Variants in FRAS1 observed in about 807,000 individuals in gnomAD.
FRAS1 encodes the protein Fraser extracellular matrix complex subunit 1.
Under a neutral mutation model 435.2 loss-of-function variants are expected in FRAS1, and 290 were observed. The ratio of observed to expected loss-of-function variants is 0.67; its 90% confidence interval spans 0.61 to 0.73. FRAS1 has a LOEUF of 0.73. Ranked by LOEUF, FRAS1 falls within the 30% of genes least tolerant of loss-of-function variation. The pLI is 0.00. For synonymous variants in FRAS1, 1,800 were observed against 1,851.0 expected (o/e 0.97, Z 0.71); for missense variants, 4,860 against 5,001.5 (o/e 0.97, Z 0.85).
chr4:78,359,806 T>C (rs1446134659), intron 20 of FRAS1, among the ~76,000 whole-genome samples: 2 of 152,278 alleles, frequency 1.3e-5, no homozygotes, highest in Admixed American at 1.3e-4. Flanking sequence ...TTGGAGTTGA[T>C]CATTTTATAT....
At chr4:78,470,370 G>A (rs1036486745) in intron 51 of FRAS1, among the ~76,000 whole-genome samples, 6 of 152,098 alleles carry the variant, frequency 3.9e-5, no homozygotes. Flanking sequence ...TCACATATAG[G>A]GTGGACGTAA....
chr4:78,345,510 T>G (rs1730571870), intron 20 of FRAS1, among the ~76,000 whole-genome samples: 1 of 151,206 alleles, frequency 6.6e-6, no homozygotes, highest in Non-Finnish European at 1.5e-5. Flanking sequence ...TTCCTTCTAG[T>G]CCTGTTCTTC....
chr4:78,397,362 C>T (rs1040417258), intron 29 of FRAS1, among the ~76,000 whole-genome samples: 1 of 152,140 alleles, frequency 6.6e-6, no homozygotes, highest in Non-Finnish European at 1.5e-5. Context: ...CTTTATTTTC[C>T]TCATGTTAGT....
intron 2 of FRAS1, among the ~76,000 whole-genome samples, chr4:78,135,013 G>A (rs1719862404): frequency 6.6e-6 from 1 of 152,054 alleles, no homozygotes. Flanking sequence ...ACAATTGCAT[G>A]CTGGTAGGGT....
At chr4:78,308,299 T>A in intron 15 of FRAS1, 90 bp downstream of exon 15, 2 of 1,306,694 alleles carry the variant, frequency 1.5e-6, no homozygotes, top group Non-Finnish European at 2.1e-6. Flanking sequence ...ATTACCAATG[T>A]TTCTTTTACT....
chr4:78,289,360 T>A (rs890744725), intron 14 of FRAS1, among the ~76,000 whole-genome samples: 1 of 152,238 alleles, frequency 6.6e-6, no homozygotes. Context: ...TGAATAATGT[T>A]GTAATTATAG....
chr4:78,186,251 C>CTT (rs879736836), intron 2 of FRAS1, among the ~76,000 whole-genome samples: 1 of 146,588 alleles, frequency 6.8e-6, no homozygotes, highest in Non-Finnish European at 1.5e-5. Flanking sequence ...CTTGCTCATA[C>CTT]TTTTTTTTTT....
chr4:78,251,688 A>T (rs1221918179), intron 4 of FRAS1, among the ~76,000 whole-genome samples: 1 of 152,238 alleles, frequency 6.6e-6, no homozygotes, highest in Non-Finnish European at 1.5e-5. Context: ...GGTGAAGGGA[A>T]TGTTGTCATA....
intron 2 of FRAS1, chr4:78,070,919 G>A (rs1272952495): frequency 5.3e-5 from 8 of 152,148 alleles, no homozygotes; most frequent in Non-Finnish European, 8.8e-5. Flanking sequence ...GAAGCAACTC[G>A]TCCAGTGCTG....
At chr4:78,313,994 T>C (rs28402983) in intron 15 of FRAS1, among the ~76,000 whole-genome samples, 13,443 of 152,242 alleles carry the variant, frequency 0.088, 1,039 homozygotes, top group East Asian at 0.35. Flanking sequence ...CATGACTTTC[T>C]TTTGGAAACC....
At chr4:78,315,539 C>T (rs1024134908) in intron 15 of FRAS1, 55 bp from the exon 16 acceptor site, 17 of 1,541,756 alleles carry the variant, frequency 1.1e-5, no homozygotes, top group Admixed American at 2.0e-5. Flanking sequence ...ATAGACTTCA[C>T]TGCTTCTTTT....
At chr4:78,517,794 G>A (rs1721254641) in intron 66 of FRAS1, among the ~76,000 whole-genome samples, 1 of 152,048 alleles carries the variant, frequency 6.6e-6, no homozygotes, top group Non-Finnish European at 1.5e-5. Context: ...GCTAAAGGAG[G>A]ATAAACAAAA....
intron 31 of FRAS1, among the ~76,000 whole-genome samples, chr4:78,408,399 C>T (rs1733188290): frequency 6.6e-6 from 1 of 151,976 alleles, no homozygotes; most frequent in Admixed American, 6.6e-5. Flanking sequence ...TCTTTACAAG[C>T]AGAGTTATCC....
At chr4:78,058,137 T>C in intron 1 of FRAS1, 52 bp downstream of exon 1, 3 of 1,497,758 alleles carry the variant, frequency 2.0e-6, no homozygotes, top group Non-Finnish European at 2.8e-6. Flanking sequence ...CGTGTGTGTG[T>C]GTATGTGTGA....
intron 2 of FRAS1, among the ~76,000 whole-genome samples, chr4:78,188,108 G>A (rs917431803): frequency 1.5e-4 from 23 of 152,264 alleles, no homozygotes; most frequent in Admixed American, 7.8e-4. Flanking sequence ...CCTGTCAACA[G>A]TTATCCTTCC....
At chr4:78,156,066 G>T (rs1244396650) in intron 2 of FRAS1, among the ~76,000 whole-genome samples, 1 of 152,278 alleles carries the variant, frequency 6.6e-6, no homozygotes, top group East Asian at 1.9e-4. Flanking sequence ...AGAGTCCATG[G>T]GTTCAAGCCT....
chr4:78,502,330 A>G (rs1326620465), intron 61 of FRAS1, among the ~76,000 whole-genome samples: 1 of 152,120 alleles, frequency 6.6e-6, no homozygotes, highest in Non-Finnish European at 1.5e-5. Flanking sequence ...TTTTCACGAT[A>G]TTGATTCTTC....
chr4:78,147,919 G>A (rs58970756), intron 2 of FRAS1, among the ~76,000 whole-genome samples: 24,857 of 152,120 alleles, frequency 0.16, 2,219 homozygotes, highest in Admixed American at 0.2. Context: ...GTGAGTTTCT[G>A]GAAAACTTAA....
At chr4:78,437,553 T>C (rs1734479504) in intron 38 of FRAS1, among the ~76,000 whole-genome samples, 2 of 152,224 alleles carry the variant, frequency 1.3e-5, no homozygotes, top group African/African-American at 4.8e-5. Context: ...TCTGAACTAC[T>C]AACTTTGATA....
Sources: gnomAD v4.1 joint callset for allele counts (sites outside exome capture counted in the v4.1 genomes callset) on GRCh38, gnomAD v4.1.1 for gene constraint, MANE v1.5 for transcripts, NCBI Gene and HGNC (gene_info 2026-07-23, HGNC 2026-07-21) for gene names.